The following PRKG1 variants were observed in gnomAD, a reference collection of about 807,000 sequenced individuals.
PRKG1 encodes the protein cGMP-dependent protein kinase 1.
Under a neutral mutation model 88.1 loss-of-function variants are expected in PRKG1, and 35 were observed. That is an observed-to-expected ratio of 0.40 (90% CI 0.30 to 0.53). PRKG1 has a LOEUF of 0.53. PRKG1 is among the 20% of genes least tolerant of loss of function. PRKG1 has a pLI of 0.59. For missense variants in PRKG1, 540 were observed against 839.8 expected, an observed-to-expected ratio of 0.64 and a Z score of 4.41; for synonymous variants, 303 against 292.5, an observed-to-expected ratio of 1.04 and a Z score of -0.37.
intron 9 of PRKG1, among the ~76,000 whole-genome samples, chr10:52,242,872 AG>A (rs1185618635): frequency 6.6e-6 from 1 of 151,728 alleles, no homozygotes; most frequent in Non-Finnish European, 1.5e-5. Context: ...CTCCAGCCTG[AG>A]TGACAGACGG....
intron 7 of PRKG1, among the ~76,000 whole-genome samples, chr10:52,096,871 T>C (rs1847185549): frequency 6.6e-6 from 1 of 152,198 alleles, no homozygotes; most frequent in Admixed American, 6.5e-5. Context: ...CAATGTAATA[T>C]TGTAAGTTTC....
chr10:51,785,148 C>A (rs1838696659), intron 3 of PRKG1, among the ~76,000 whole-genome samples: 1 of 147,072 alleles, frequency 6.8e-6, no homozygotes, highest in African/African-American at 2.6e-5. Context: ...TAATAAATAT[C>A]CTAAAAAGAC....
At chr10:51,600,646 A>T (rs1347305863) in intron 3 of PRKG1, among the ~76,000 whole-genome samples, 1 of 152,182 alleles carries the variant, frequency 6.6e-6, no homozygotes, top group Admixed American at 6.5e-5. Flanking sequence ...TAAATTATGA[A>T]TGACATTTTA....
rs144138162 is a variant in PRKG1 at position 51,500,717 on chromosome 10, C to T, written c.592+32881C>T. Reference sequence around the variant, plus strand: ...CTTTCTCTGTTTTGATTCAGCATTTCTCCCTTTACATTGGCTCACTTCATG... The same window carrying T: ...CTTTCTCTGTTTTGATTCAGCATTTTTCCCTTTACATTGGCTCACTTCATG... On this transcript the variant is annotated intron_variant, in intron 3 of 17. Coordinates refer to ENST00000373980, the MANE Select transcript of PRKG1 (RefSeq NM_006258.4). Among the ~76,000 whole-genome samples the T allele has an allele frequency of 1.6e-3, 248 of 152,302 alleles. 2 individuals carry two copies. In the Middle Eastern group the frequency reaches 0.017, roughly 10 times the overall value.
chr10:51,354,021 T>C (rs1239380917), intron 2 of PRKG1, among the ~76,000 whole-genome samples: 1 of 152,166 alleles, frequency 6.6e-6, no homozygotes, highest in African/African-American at 2.4e-5. Context: ...GAGGTCATTA[T>C]GTTAAGTGAA....
At chr10:51,067,959 T>C (rs1843774871) in intron 1 of PRKG1, among the ~76,000 whole-genome samples, 1 of 152,068 alleles carries the variant, frequency 6.6e-6, no homozygotes, top group Non-Finnish European at 1.5e-5. Flanking sequence ...GTCTAGACCA[T>C]GAAGGAATTA....
chr10:51,140,523 C>A (rs975689262), intron 1 of PRKG1, among the ~76,000 whole-genome samples: 1 of 152,128 alleles, frequency 6.6e-6, no homozygotes, highest in African/African-American at 2.4e-5. Context: ...TGTTGCATAA[C>A]CATTATTTTA....
intron 9 of PRKG1, chr10:52,242,100 C>T (rs184160797): frequency 4.1e-4 from 63 of 152,236 alleles, no homozygotes; most frequent in African/African-American, 1.3e-3. Context: ...AGATGAGGGA[C>T]GTTTACCTGC....
chr10:51,978,539 A>C (rs113348205), intron 5 of PRKG1, among the ~76,000 whole-genome samples: 2,683 of 151,568 alleles, frequency 0.018, 85 homozygotes, highest in African/African-American at 0.061. Flanking sequence ...TGAATCTGTA[A>C]ATTGCTTTGG....
intron 8 of PRKG1, among the ~76,000 whole-genome samples, chr10:52,142,000 A>G (rs916224798): frequency 1.3e-5 from 2 of 152,176 alleles, no homozygotes; most frequent in African/African-American, 4.8e-5. Context: ...TGAGTCCCAG[A>G]AGTGTCAGGT....
At chr10:51,104,200 T>C (rs1273554094) in intron 1 of PRKG1, among the ~76,000 whole-genome samples, 1 of 152,158 alleles carries the variant, frequency 6.6e-6, no homozygotes, top group African/African-American at 2.4e-5. Context: ...TATAAATATG[T>C]TAGTCAGATA....
At chr10:51,004,972 A>G (rs1842926575) in intron 1 of PRKG1, among the ~76,000 whole-genome samples, 1 of 151,984 alleles carries the variant, frequency 6.6e-6, no homozygotes, top group Non-Finnish European at 1.5e-5. Context: ...GCTAGTAGGG[A>G]GATTTGGACA....
intron 3 of PRKG1, among the ~76,000 whole-genome samples, chr10:51,520,504 G>C (rs1423921106): frequency 6.6e-6 from 1 of 152,002 alleles, no homozygotes; most frequent in Non-Finnish European, 1.5e-5. Flanking sequence ...AGTCTGTACT[G>C]TATACAGTTA....
intron 9 of PRKG1, among the ~76,000 whole-genome samples, chr10:52,176,173 C>CTTTTTTTTTT (rs140722137): frequency 6.3e-5 from 6 of 95,674 alleles, no homozygotes; most frequent in East Asian, 3.4e-4. Flanking sequence ...TTCTTTTTCT[C>CTTTTTTTTTT]TTTTTTTTTT....
At chr10:51,704,217 A>T (rs1314652907) in intron 3 of PRKG1, among the ~76,000 whole-genome samples, 1 of 150,586 alleles carries the variant, frequency 6.6e-6, no homozygotes, top group African/African-American at 2.5e-5. Context: ...ATAGTATAGT[A>T]GCTGATAGAT....
intron 3 of PRKG1, among the ~76,000 whole-genome samples, chr10:51,481,889 A>T (rs1045111929): frequency 2.0e-5 from 3 of 152,190 alleles, no homozygotes; most frequent in African/African-American, 4.8e-5. Context: ...TTTGAATCAC[A>T]GAAACTTGCC....
Position 52,268,697 on chromosome 10 carries a change from A to T in PRKG1, c.1174-2653A>T, listed in dbSNP as rs549622331. On this transcript the variant is annotated intron_variant, in intron 10 of 17. Coordinates refer to ENST00000373980, the MANE Select transcript of PRKG1 (RefSeq NM_006258.4). The stretch of plus-strand genomic sequence containing the variant: ...TGGAAATAGCTTGGGCCAAAAAAAA[A>T]CCTGAACATGAATCCATTTCTGCCA... Among the ~76,000 whole-genome samples, 10 of 152,130 alleles carry T rather than the reference A, an allele frequency of 6.6e-5. No homozygotes were observed. In the South Asian group the frequency reaches 2.1e-3, roughly 32 times the overall value.
intron 3 of PRKG1, among the ~76,000 whole-genome samples, chr10:51,508,536 T>C (rs1280083334): frequency 2.6e-5 from 4 of 152,038 alleles, no homozygotes; most frequent in Non-Finnish European, 5.9e-5. Context: ...CACTTTTATC[T>C]TGTGAGAATG....
intron 3 of PRKG1, among the ~76,000 whole-genome samples, chr10:51,645,060 G>T (rs1046637847): frequency 1.3e-5 from 2 of 152,170 alleles, no homozygotes; most frequent in Non-Finnish European, 2.9e-5. Flanking sequence ...GATATCAAGT[G>T]ATCTGTCTGC....
Sources: allele counts gnomAD v4.1 joint callset (sites outside exome capture counted in the v4.1 genomes callset), GRCh38; gene constraint gnomAD v4.1.1; transcripts MANE v1.5; gene names NCBI Gene and HGNC (gene_info 2026-07-23, HGNC 2026-07-21).